The following FBXL2 variants were observed in gnomAD, a reference collection of about 807,000 sequenced individuals.
FBXL2 encodes the protein F-box/LRR-repeat protein 2.
In FBXL2, 38 loss-of-function variants were observed where a neutral mutation model predicts 69.2. That is an observed-to-expected ratio of 0.55 (90% CI 0.42 to 0.72). The LOEUF (loss-of-function observed/expected upper bound fraction) is 0.72, where lower values mean the gene tolerates loss of function less well. FBXL2 is among the 30% of genes least tolerant of loss of function. The pLI, the probability that FBXL2 is intolerant of heterozygous loss-of-function variation, is 0.00. For synonymous variants in FBXL2, 192 were observed against 201.3 expected, an observed-to-expected ratio of 0.95 and a Z score of 0.39; for missense variants, 354 against 520.3, an observed-to-expected ratio of 0.68 and a Z score of 3.11.
At chr3:33,384,852 A>G (rs1444921569) in intron 14 of FBXL2, among the ~76,000 whole-genome samples, 1 of 152,106 alleles carries the variant, frequency 6.6e-6, no homozygotes. Context: ...CAGCTGACCA[A>G]CATGGTGAAA....
At chr3:33,412,094 C>A in the FBXL2 span, among the ~76,000 whole-genome samples, 1 of 143,614 alleles carries the variant, frequency 7.0e-6, no homozygotes, top group East Asian at 2.1e-4. Context: ...GGCTGAGGCA[C>A]AAGAATCACT....
At chr3:33,418,449 G>A in the FBXL2 span, among the ~76,000 whole-genome samples, 5 of 151,936 alleles carry the variant, frequency 3.3e-5, no homozygotes, top group African/African-American at 4.8e-5. Flanking sequence ...AGTAGAGACA[G>A]GGTTTCGCCA....
chr3:33,396,336 T>A, intron 12 of FBXL2: 1 of 1,304,950 alleles, frequency 7.7e-7, no homozygotes, highest in Non-Finnish European at 1.1e-6. Context: ...CTTACACATG[T>A]ACAAATATGA....
chr3:33,321,113 C>T (rs2038170632), intron 2 of FBXL2, among the ~76,000 whole-genome samples: 1 of 151,720 alleles, frequency 6.6e-6, no homozygotes, highest in African/African-American at 2.4e-5. Flanking sequence ...AGTTCAAGAC[C>T]AGCCTGCCCA....
At chr3:33,397,059 A>G in intron 12 of FBXL2, 9 of 1,595,654 alleles carry the variant, frequency 5.6e-6, no homozygotes, top group Non-Finnish European at 7.7e-6. Context: ...ACTTCAGTGA[A>G]TTATAGAGCC....
intron 2 of FBXL2, among the ~76,000 whole-genome samples, chr3:33,340,570 T>C (rs2039935295): frequency 7.6e-6 from 1 of 130,824 alleles, no homozygotes; most frequent in Admixed American, 8.1e-5. Context: ...AATGGGTTAT[T>C]TTGATTAAAA....
intron 12 of FBXL2, chr3:33,398,285 C>CCTA (rs2044086116): frequency 6.6e-6 from 1 of 152,238 alleles, no homozygotes; most frequent in South Asian, 2.1e-4. Context: ...AATGCAATAG[C>CCTA]CTACTAAATT....
At chr3:33,382,671 A>G (rs546375273) in intron 13 of FBXL2, 2 of 152,326 alleles carry the variant, frequency 1.3e-5, no homozygotes, top group Admixed American at 6.5e-5. Context: ...TAACACATGT[A>G]TGCATTTCAG....
At chr3:33,388,121 A>ATAGTT (rs548168057), downstream of FBXL2, 2 of 113,534 alleles carry the variant, frequency 1.8e-5, no homozygotes, top group East Asian at 5.7e-4. Context: ...AAAGTCTGGA[A>ATAGTT]TAGTTTAGTT....
chr3:33,323,221 C>A (rs892917967), intron 2 of FBXL2, among the ~76,000 whole-genome samples: 1 of 152,064 alleles, frequency 6.6e-6, no homozygotes, highest in Non-Finnish European at 1.5e-5. Flanking sequence ...CAAATTTTTC[C>A]TCTCCAGCTT....
At chr3:33,418,198 T>C in the FBXL2 span, among the ~76,000 whole-genome samples, 62 of 152,288 alleles carry the variant, frequency 4.1e-4, no homozygotes, top group East Asian at 6.8e-3. Flanking sequence ...ATTTAGGAAA[T>C]AAAAATCAAC....
chr3:33,306,335 CACCACG>C (rs1180037319), intron 2 of FBXL2, among the ~76,000 whole-genome samples: 3 of 152,164 alleles, frequency 2.0e-5, no homozygotes, highest in East Asian at 3.9e-4. Flanking sequence ...TCCTTGTAGA[CACCACG>C]TAAGTCAATA....
chr3:33,394,282 G>A (rs958753448), intron 12 of FBXL2, among the ~76,000 whole-genome samples: 6 of 151,546 alleles, frequency 4.0e-5, no homozygotes, highest in African/African-American at 9.7e-5. Context: ...CTGGGCTCAC[G>A]CAGTCTGCCC....
chr3:33,319,480 T>C (rs2038010214), intron 2 of FBXL2, among the ~76,000 whole-genome samples: 1 of 152,168 alleles, frequency 6.6e-6, no homozygotes, highest in Admixed American at 6.5e-5. Flanking sequence ...AACAGCTACT[T>C]CCTGAACACC....
chr3:33,365,503 C>A (rs1037264074), intron 5 of FBXL2, among the ~76,000 whole-genome samples: 2 of 152,130 alleles, frequency 1.3e-5, no homozygotes, highest in Non-Finnish European at 2.9e-5. Flanking sequence ...TGGTCTTGAA[C>A]TCCTGAGCTC....
chr3:33,309,495 TTCTTGCAGATAAAGTGGGTC>T, intron 2 of FBXL2, among the ~76,000 whole-genome samples: 1 of 152,214 alleles, frequency 6.6e-6, no homozygotes, highest in East Asian at 1.9e-4. Flanking sequence ...TCTATGTGTA[TTCTTGCAGATAAAGTGGGTC>T]TCTTGCAGAT....
intron 5 of FBXL2, among the ~76,000 whole-genome samples, chr3:33,368,028 G>A (rs1274655538): frequency 2.6e-5 from 4 of 152,160 alleles, no homozygotes; most frequent in Admixed American, 6.5e-5. Flanking sequence ...AGAAGAGCAC[G>A]TTAATGATTC....
At chr3:33,277,260 AG>A (rs1258322949), upstream of FBXL2, among the ~76,000 whole-genome samples, 1 of 151,328 alleles carries the variant, frequency 6.6e-6, no homozygotes, top group Non-Finnish European at 1.5e-5. Context: ...AGGGACATCA[AG>A]GTGATCAGAC....
Position 33,374,649 on chromosome 3 carries a change from G to A in FBXL2, c.658-639G>A, listed in dbSNP as rs1010587327. On this transcript the variant is annotated intron_variant, in intron 9 of 14. Transcript: ENST00000484457. ...ACTCAAAAATAGGACCTTGACTTAC[G>A]TGTAGCATAGCAGTGGCTGATGGCT... Among the ~76,000 whole-genome samples, 13 of 152,322 alleles carry A rather than the reference G, an allele frequency of 8.5e-5. 1 individual carries two copies. Among genetic ancestry groups the A allele is most frequent in the Admixed American group, 5.9e-4 (9 of 15,300 alleles).
Sources: allele counts gnomAD v4.1 joint callset (sites outside exome capture counted in the v4.1 genomes callset), GRCh38; gene constraint gnomAD v4.1.1; transcripts MANE v1.5; gene names NCBI Gene and HGNC (gene_info 2026-07-23, HGNC 2026-07-21).